The following LRP6 variants were observed in gnomAD, a reference collection of about 807,000 sequenced individuals.
LRP6 encodes low-density lipoprotein receptor-related protein 6.
In LRP6, 43 loss-of-function variants were observed where a neutral mutation model predicts 184.1. The observed-to-expected ratio is 0.23, with a 90% CI of 0.18 to 0.30. The LOEUF (loss-of-function observed/expected upper bound fraction) is 0.30. LRP6 is among the 10% of genes least tolerant of loss of function. The probability of loss-of-function intolerance (pLI) is 1.00; values close to 1 mark genes in which losing one functional copy is unlikely to be tolerated. For synonymous variants in LRP6, 719 were observed against 684.9 expected (o/e 1.05, Z -0.78); for missense variants, 1,571 against 2,005.3 (o/e 0.78, Z 4.14).
chr12:12,150,365 C>T (rs1053887734), intron 13 of LRP6, among the ~76,000 whole-genome samples: 1 of 152,034 alleles, frequency 6.6e-6, no homozygotes, highest in African/African-American at 2.4e-5. Context: ...TCCTCTGAAC[C>T]TTTTAAATAA....
chr12:12,224,304 A>G (rs1454390648), intron 2 of LRP6, among the ~76,000 whole-genome samples: 1 of 152,202 alleles, frequency 6.6e-6, no homozygotes, highest in African/African-American at 2.4e-5. Context: ...ATAACATCTT[A>G]CAAACAATTT....
At chr12:12,162,864 T>A (rs1317379279) in intron 9 of LRP6, among the ~76,000 whole-genome samples, 2 of 152,220 alleles carry the variant, frequency 1.3e-5, no homozygotes, top group African/African-American at 4.8e-5. Flanking sequence ...ATAACACTTT[T>A]AAAAATCATA....
chr12:12,252,748 C>T (rs2135932819), intron 1 of LRP6, among the ~76,000 whole-genome samples: 1 of 152,212 alleles, frequency 6.6e-6, no homozygotes, highest in South Asian at 2.1e-4. Flanking sequence ...TTATGGAATG[C>T]TATTATATAG....
Position 12,119,476 on chromosome 12 carries a change from C to T in LRP6, c.*1650G>A, listed in dbSNP as rs557751662. On this transcript the variant is annotated 3_prime_UTR_variant, in exon 23 of 23. Coordinates refer to ENST00000261349, the MANE Select transcript of LRP6 (RefSeq NM_002336.3). The stretch of plus-strand genomic sequence containing the variant: ...TGTGTAAAAAGCAGGAAACGAACTT[C>T]TGGCAAGGTGGCAGAGCAAGTGCTA... 2.0e-5 allele frequency: 3 copies of T among 152,356 alleles called. No homozygotes were observed. The highest frequency in any genetic ancestry group is 4.1e-4 in the South Asian group (2 of 4,822). 9.4% of individuals were successfully genotyped at this position (152,356 alleles called of 1,614,324 possible).
intron 2 of LRP6, among the ~76,000 whole-genome samples, chr12:12,218,520 C>A (rs939219537): frequency 6.3e-5 from 9 of 143,214 alleles, no homozygotes; most frequent in African/African-American, 1.8e-4. Flanking sequence ...AATAATAATA[C>A]TATACAATTT....
rs779709483 is a variant in LRP6, at chr12:12,130,870, G to A, written c.3994C>T (p.Arg1332Cys). 52 of 1,607,590 alleles carry A rather than the reference G, an allele frequency of 3.2e-5. No homozygotes were observed. Among genetic ancestry groups the A allele is most frequent in the Admixed American group, 2.2e-4 (13 of 59,966 alleles). ...CCAATGCACTGACCATTGGCACAGC[G>A]GAACTGATCAATTAAACAAAGCACT... ...CEVLCLIDQF[R>C]CANGQCIGKH... Residue 1332 changes from arginine (R) to cysteine (C), a missense_variant, in exon 19 of 23, where the codon CGC (arginine) becomes TGC (cysteine). Physicochemically the swap from Arg to Cys is radical, Grantham distance 180 (BLOSUM62 -3). Around this residue, in one of 4 missense-constraint regions of LRP6, gnomAD observed 763 missense variants for 859.5 expected, o/e 0.89. Coordinates refer to ENST00000261349, the MANE Select transcript of LRP6 (RefSeq NM_002336.3).
rs982005389 is a variant in LRP6, at chr12:12,249,409, A to T, written c.56-4754T>A. On this transcript the variant is annotated intron_variant, in intron 1 of 22. Transcript: ENST00000261349. Reference sequence around the variant, plus strand: ...ATATGAAACTCCCTCAGCCACCTCAAGGACAGTGTTACAGCAACTAATCGA... The same window carrying T: ...ATATGAAACTCCCTCAGCCACCTCATGGACAGTGTTACAGCAACTAATCGA... 4 of 843,330 alleles carry T rather than the reference A, an allele frequency of 4.7e-6. No individual in the cohort carries two copies. The Admixed American group carries it at 6.9e-5, about 15-fold the overall frequency. 52.2% of individuals were successfully genotyped at this position (843,330 alleles called of 1,614,324 possible).
At chr12:12,150,748 G>T in intron 13 of LRP6, 88 bp downstream of exon 13, 1 of 1,375,092 alleles carries the variant, frequency 7.3e-7, no homozygotes, top group Non-Finnish European at 1.0e-6. Flanking sequence ...ACACACTTAA[G>T]CAGAGTCAAG....
chr12:12,206,472 C>T (rs559049313), intron 2 of LRP6, among the ~76,000 whole-genome samples: 2 of 149,732 alleles, frequency 1.3e-5, no homozygotes, highest in African/African-American at 2.5e-5. Flanking sequence ...GAACCCGGGA[C>T]GCGGAGCTTG....
intron 2 of LRP6, among the ~76,000 whole-genome samples, chr12:12,243,935 C>CTAGTTAAAGTTTTT (rs1565704410): frequency 6.6e-6 from 1 of 152,020 alleles, no homozygotes; most frequent in Non-Finnish European, 1.5e-5. Context: ...TTTTTTTTAG[C>CTAGTTAAAGTTTTT]TAGCCAGGTG....
At chr12:12,133,033 C>T (rs897406205) in intron 17 of LRP6, among the ~76,000 whole-genome samples, 3 of 152,132 alleles carry the variant, frequency 2.0e-5, no homozygotes, top group Non-Finnish European at 4.4e-5. Flanking sequence ...TACAGGTGAA[C>T]ATTTTACATG....
intron 3 of LRP6, among the ~76,000 whole-genome samples, chr12:12,201,735 C>T (rs1423821732): frequency 6.6e-6 from 1 of 152,090 alleles, no homozygotes; most frequent in Non-Finnish European, 1.5e-5. Context: ...TCCTAGACTC[C>T]CCCTCACAGC....
intron 7 of LRP6, among the ~76,000 whole-genome samples, chr12:12,179,393 G>C (rs981292867): frequency 1.4e-5 from 2 of 145,560 alleles, no homozygotes; most frequent in South Asian, 2.2e-4. Flanking sequence ...TATAGATATA[G>C]ATATAGATAT....
At chr12:12,257,779 CAA>C (rs1163180718) in intron 1 of LRP6, among the ~76,000 whole-genome samples, 427 of 35,262 alleles carry the variant, frequency 0.012, 2 homozygotes, top group African/African-American at 0.037. Context: ...CCTGTCTCTA[CAA>C]AAAAAAAAAA....
intron 2 of LRP6, among the ~76,000 whole-genome samples, chr12:12,231,634 TG>T (rs1306147578): frequency 6.6e-6 from 1 of 152,058 alleles, no homozygotes; most frequent in Non-Finnish European, 1.5e-5. Flanking sequence ...CCGGGCACAG[TG>T]GCTCATGCCT....
At chr12:12,241,239 T>C (rs1865056973) in intron 2 of LRP6, among the ~76,000 whole-genome samples, 2 of 152,186 alleles carry the variant, frequency 1.3e-5, no homozygotes, top group Non-Finnish European at 2.9e-5. Flanking sequence ...CTGAAAAGTC[T>C]ACATTTTTCC....
chr12:12,260,545 C>T (rs903464764), intron 1 of LRP6, among the ~76,000 whole-genome samples: 1 of 152,092 alleles, frequency 6.6e-6, no homozygotes, highest in Non-Finnish European at 1.5e-5. Context: ...AAAACAGTGC[C>T]CAGGACATAG....
At chr12:12,217,072 A>G (rs889416506) in intron 2 of LRP6, among the ~76,000 whole-genome samples, 8 of 152,172 alleles carry the variant, frequency 5.3e-5, no homozygotes, top group Non-Finnish European at 8.8e-5. Flanking sequence ...CCTCCAAGCC[A>G]GAGACCACTA....
chr12:12,183,840 T>TA (rs976301702), intron 5 of LRP6, 140 bp downstream of exon 5: 1 of 714,250 alleles, frequency 1.4e-6, no homozygotes. Flanking sequence ...ACTCCTATTC[T>TA]ATAACCATGT....
Sources: gnomAD v4.1 joint callset for allele counts (sites outside exome capture counted in the v4.1 genomes callset) on GRCh38, gnomAD v4.1.1 for gene constraint, gnomAD v4.1.1 regional missense constraint, MANE v1.5 for transcripts, NCBI Gene and HGNC (gene_info 2026-07-23, HGNC 2026-07-21) for gene names.